Variants in SIN3B observed in about 807,000 individuals in gnomAD.
SIN3B encodes the protein paired amphipathic helix protein Sin3b.
SIN3B carries 19 observed loss-of-function variants against 120.2 expected under a neutral mutation model. That is an observed-to-expected ratio of 0.16 (90% CI 0.11 to 0.23). The LOEUF is 0.23. SIN3B is among the 10% of genes least tolerant of loss of function. The pLI, the probability that SIN3B is intolerant of heterozygous loss-of-function variation, is 1.00. For missense variants in SIN3B, 1,073 were observed against 1,573.0 expected (o/e 0.68, Z 5.38); for synonymous variants, 654 against 653.2 (o/e 1.00, Z -0.02).
chr19:16,854,043 G>A, intron 7 of SIN3B, 100 bp from the exon 8 acceptor site: 3 of 759,908 alleles, frequency 3.9e-6, no homozygotes, highest in Non-Finnish European at 6.6e-6. Context: ...GACACAGTTG[G>A]TTCCCATATC....
intron 10 of SIN3B, chr19:16,865,159 T>G (rs1971747078): frequency 7.2e-6 from 3 of 417,808 alleles, no homozygotes; most frequent in Non-Finnish European, 1.3e-5. Flanking sequence ...CCAGGCATGG[T>G]GGTGCACACC....
intron 3 of SIN3B, among the ~76,000 whole-genome samples, chr19:16,834,910 T>C (rs1410720394): frequency 6.6e-6 from 1 of 151,526 alleles, no homozygotes; most frequent in Admixed American, 6.6e-5. Flanking sequence ...TCTTTCTTTC[T>C]TTCTTTTCTT....
intron 3 of SIN3B, 31 bp from the exon 4 acceptor site, chr19:16,841,737 G>A: frequency 1.3e-5 from 20 of 1,599,542 alleles, no homozygotes; most frequent in Non-Finnish European, 1.7e-5. Context: ...CCAGTGTCGG[G>A]CCTGGCAGTA....
chr19:16,875,368 C>G (rs1434608078), intron 14 of SIN3B, among the ~76,000 whole-genome samples: 2 of 122,648 alleles, frequency 1.6e-5, no homozygotes, highest in African/African-American at 3.3e-5. Context: ...TTGGTCTGGT[C>G]TGGTTTGGTC....
In SIN3B at chr19:16,876,808, C is replaced by G; in HGVS notation, c.2859+230C>G. On this transcript the variant is annotated intron_variant, in intron 16 of 18. Coordinates refer to ENST00000248054, the MANE Select transcript of SIN3B (RefSeq NM_001297595.2). This position sits in a 1 kb window ranked among gnomAD's most constrained non-coding sequence, Gnocchi z 7.1. The stretch of plus-strand genomic sequence containing the variant: ...GAGCAGACCACTCCTCCTGAGCAAG[C>G]GGTTGTGTCCCAGGGCAGGAGGGGA... The G allele has an allele frequency of 2.1e-6, 1 of 484,090 alleles. No individual in the cohort carries two copies. Among genetic ancestry groups the G allele is most frequent in the Non-Finnish European group, 3.7e-6 (1 of 270,338 alleles). The allele number at this position is 484,090 out of a possible 1,614,324, so 30.0% of individuals were successfully genotyped here. A position where few individuals can be genotyped will look rare whatever the true frequency, so the allele number is the denominator to read the frequency against.
chr19:16,851,154 C>T (rs1971539771), intron 5 of SIN3B, among the ~76,000 whole-genome samples: 1 of 152,252 alleles, frequency 6.6e-6, no homozygotes, highest in Non-Finnish European at 1.5e-5. Flanking sequence ...AACCCCCAGC[C>T]CTTCTCCCTC....
chr19:16,846,843 C>G, intron 4 of SIN3B, 127 bp from the exon 5 acceptor site: 1 of 1,012,124 alleles, frequency 9.9e-7, no homozygotes, highest in Non-Finnish European at 1.5e-6. Context: ...CAGACAGGAC[C>G]CTGCGGGCAG....
At position 16,862,966 on chromosome 19, in the gene SIN3B, G is replaced by T; in HGVS notation, c.1266+407G>T. Reference sequence around the variant, plus strand: ...TTCAAGAATACCTGCTGGATTCCAGGATATAGTGCAGGGGTCAGCAAACTC... The same window carrying T: ...TTCAAGAATACCTGCTGGATTCCAGTATATAGTGCAGGGGTCAGCAAACTC... On this transcript the variant is annotated intron_variant, in intron 9 of 18. Coordinates refer to ENST00000248054, the MANE Select transcript of SIN3B (RefSeq NM_001297595.2). The surrounding 1 kb of genome is among the most constrained non-coding windows in gnomAD (Gnocchi z 4.7). 2 of 1,614,096 alleles carry T rather than the reference G, an allele frequency of 1.2e-6. No individual in the cohort carries two copies. Among genetic ancestry groups the T allele is most frequent in the Non-Finnish European group, 1.7e-6 (2 of 1,179,888 alleles).
intron 10 of SIN3B, 145 bp from the exon 11 acceptor site, chr19:16,865,265 G>T: frequency 3.2e-6 from 2 of 625,084 alleles, no homozygotes; most frequent in South Asian, 1.9e-5. Flanking sequence ...CAGCACTCAA[G>T]TCTGGGTGAC....
intron 4 of SIN3B, 118 bp downstream of exon 4, chr19:16,842,086 T>C: frequency 1.1e-6 from 1 of 933,362 alleles, no homozygotes; most frequent in South Asian, 1.7e-5. Context: ...TAATTAGTTG[T>C]GGGGTTTTTT....
Position 16,862,697 on chromosome 19 carries a change from GA to G in SIN3B, c.1266+139del. ...AATGTTGGGTTATGGGTGGTGCTGG[GA>G]TGTGGCCCGGCAAAACCACCTGAGC... On this transcript the variant is annotated intron_variant, in intron 9 of 18. Coordinates refer to ENST00000248054, the MANE Select transcript of SIN3B (RefSeq NM_001297595.2). This position sits in a 1 kb window ranked among gnomAD's most constrained non-coding sequence, Gnocchi z 4.7. The G allele has an allele frequency of 3.6e-6, 4 of 1,117,942 alleles. No individual in the cohort carries two copies. Among genetic ancestry groups the G allele is most frequent in the Non-Finnish European group, 5.3e-6 (4 of 753,326 alleles). The allele number at this position is 1,117,942 out of a possible 1,614,324, so 69.3% of individuals were successfully genotyped here. A position where few individuals can be genotyped will look rare whatever the true frequency, so the allele number is the denominator to read the frequency against.
intron 2 of SIN3B, among the ~76,000 whole-genome samples, chr19:16,830,613 T>C (rs1458546858): frequency 6.6e-6 from 1 of 152,226 alleles, no homozygotes; most frequent in Non-Finnish European, 1.5e-5. Flanking sequence ...ACCATACTGC[T>C]GCCCCCTCTT....
At chr19:16,878,160 A>C in intron 17 of SIN3B, 23 bp from the exon 18 acceptor site, 1 of 1,534,366 alleles carries the variant, frequency 6.5e-7, no homozygotes, top group Non-Finnish European at 8.8e-7. Context: ...GCCAGAGTCC[A>C]TTCCACCTCC....
chr19:16,873,702 T>C (rs985237284), intron 14 of SIN3B, among the ~76,000 whole-genome samples: 3 of 152,094 alleles, frequency 2.0e-5, no homozygotes, highest in Admixed American at 2.0e-4. Context: ...GCAATGAAAA[T>C]GGGGCTGTCT....
At chr19:16,829,587 C>T (rs1971250635) in intron 1 of SIN3B, 47 bp downstream of exon 1, 7 of 1,259,550 alleles carry the variant, frequency 5.6e-6, no homozygotes, top group East Asian at 3.1e-5. Context: ...CTTCTGGACC[C>T]CGCGGGCGGG....
In SIN3B at chr19:16,877,591, C is replaced by A. The variant is rs1334490123; in HGVS notation, c.2906C>A (p.Ser969Tyr). The A allele has an allele frequency of 6.2e-7, 1 of 1,612,368 alleles. No individual in the cohort carries two copies. The highest frequency in any genetic ancestry group is 1.7e-5 in the Admixed American group (1 of 59,816). ...CAGTATGTGGGGACCGAGGGCGCGTCCAGCTCGCCCACTGAGGGCTTCCTC... is the reference window on the plus strand; with the variant it reads ...CAGTATGTGGGGACCGAGGGCGCGTACAGCTCGCCCACTGAGGGCTTCCTC... ...VEQYVGTEGASSSPTEGFLLK... is the reference protein window; with the variant it reads ...VEQYVGTEGAYSSPTEGFLLK... Residue 969 changes from serine to tyrosine, a missense_variant, in exon 17 of 19, where the codon TCC becomes TAC. By Grantham distance (144) the Ser-to-Tyr change is moderately radical. Around this residue, in one of 7 missense-constraint regions of SIN3B, gnomAD observed 311 missense variants for 400.3 expected, o/e 0.78. Coordinates refer to ENST00000248054, the MANE Select transcript of SIN3B (RefSeq NM_001297595.2).
chr19:16,865,739 G>A, intron 11 of SIN3B, 91 bp downstream of exon 11: 1 of 897,008 alleles, frequency 1.1e-6, no homozygotes, highest in Non-Finnish European at 1.7e-6. Flanking sequence ...GGGAGCCCTT[G>A]GAGAGCTCAT....
At chr19:16,860,310 G>A (rs568003187) in intron 8 of SIN3B, among the ~76,000 whole-genome samples, 4 of 152,182 alleles carry the variant, frequency 2.6e-5, no homozygotes, top group Non-Finnish European at 5.9e-5. Flanking sequence ...GCTGGCAGCC[G>A]CGTGGCAGCC....
chr19:16,829,956 C>A, intron 2 of SIN3B, 59 bp downstream of exon 2: 1 of 1,199,220 alleles, frequency 8.3e-7, no homozygotes, highest in Non-Finnish European at 1.2e-6. Flanking sequence ...TCGGGCCTAG[C>A]GGGGTGAGAC....
Sources: gnomAD v4.1 joint callset for allele counts (sites outside exome capture counted in the v4.1 genomes callset) on GRCh38, gnomAD v4.1.1 for gene constraint, gnomAD v4.1.1 regional missense constraint, Gnocchi (gnomAD v3.1) non-coding constraint, MANE v1.5 for transcripts, NCBI Gene and HGNC (gene_info 2026-07-23, HGNC 2026-07-21) for gene names.